Variants in IKZF3 observed in about 807,000 individuals in gnomAD.
The protein encoded by IKZF3 is IKAROS family zinc finger 3.
IKZF3 carries 10 observed loss-of-function variants against 49.0 expected under a neutral mutation model. The ratio of observed to expected loss-of-function variants is 0.20; its 90% CI spans 0.13 to 0.35. IKZF3 has a LOEUF of 0.35. IKZF3 is among the 10% of genes least tolerant of loss of function. The pLI, the probability that IKZF3 is intolerant of heterozygous loss-of-function variation, is 1.00. For missense variants in IKZF3, 498 were observed against 664.8 expected (o/e 0.75, Z 2.76); for synonymous variants, 209 against 228.2 (o/e 0.92, Z 0.76).
At chr17:39,773,387 G>A (rs974327265) in intron 7 of IKZF3, among the ~76,000 whole-genome samples, 1 of 152,160 alleles carries the variant, frequency 6.6e-6, no homozygotes, top group African/African-American at 2.4e-5. Flanking sequence ...TCAGGCCTTT[G>A]GGAAGGGGTT....
chr17:39,796,256 C>T (rs75148376), intron 3 of IKZF3, among the ~76,000 whole-genome samples: 3,639 of 152,216 alleles, frequency 0.024, 62 homozygotes, highest in Non-Finnish European at 0.037. Context: ...TTAGAAAATA[C>T]TAATGAACAT....
At chr17:39,787,635 C>T (rs548309761) in intron 6 of IKZF3, among the ~76,000 whole-genome samples, 1 of 152,336 alleles carries the variant, frequency 6.6e-6, no homozygotes, top group South Asian at 2.1e-4. Context: ...CTACCACTAA[C>T]AAGACATAAT....
At chr17:39,850,289 TATACAATATATAGCATATTATACATGTAC>T (rs2062773943) in intron 1 of IKZF3, among the ~76,000 whole-genome samples, 3 of 140,498 alleles carry the variant, frequency 2.1e-5, no homozygotes, top group African/African-American at 7.9e-5. Flanking sequence ...ATATATAGTA[TATACAATATATAGCATATTATACATGTAC>T]ATATAATATA....
chr17:39,828,479 A>T (rs1164232190), intron 3 of IKZF3, among the ~76,000 whole-genome samples: 1 of 152,210 alleles, frequency 6.6e-6, no homozygotes, highest in Non-Finnish European at 1.5e-5. Flanking sequence ...GAGTAAAGGA[A>T]TGAATAAATG....
Position 39,792,936 on chromosome 17 carries a change from G to T in IKZF3, c.164-3C>A, listed in dbSNP as rs1169151794. On this transcript the variant is annotated splice_polypyrimidine_tract_variant and splice_region_variant and intron_variant, in intron 3 of 7. Coordinates refer to ENST00000346872, the MANE Select transcript of IKZF3 (RefSeq NM_012481.5). ...ATCTTTCACTTTCATTGAATCATCT[G>T]CAGGGAAGAAAATGCAAGAAATGAA... 3 of 1,611,734 alleles carry T rather than the reference G, an allele frequency of 1.9e-6. No homozygotes were observed. Among genetic ancestry groups the T allele is most frequent in the Non-Finnish European group, 2.5e-6 (3 of 1,178,994 alleles).
In IKZF3 at chr17:39,762,381, A is replaced by C. The variant is rs973758664; in HGVS notation, c.*3409T>G. 2.0e-5 allele frequency: 3 copies of C among 152,210 alleles called. No homozygotes were observed. The highest frequency in any genetic ancestry group is 4.4e-5 in the Non-Finnish European group (3 of 68,044). 9.4% of individuals were successfully genotyped at this position (152,210 alleles called of 1,614,324 possible). A position where few individuals can be genotyped will look rare whatever the true frequency, so the allele number is the denominator to read the frequency against. On this transcript the variant is annotated 3_prime_UTR_variant, in exon 8 of 8. Transcript: ENST00000346872. ...TAAGGATGCAGAGTTTCCACACATAAATTTTTTCTGGAATTGATGGGCCCC... is the reference window on the plus strand; with the variant it reads ...TAAGGATGCAGAGTTTCCACACATACATTTTTTCTGGAATTGATGGGCCCC...
chr17:39,831,335 T>C (rs758527527), intron 2 of IKZF3, among the ~76,000 whole-genome samples: 20 of 151,604 alleles, frequency 1.3e-4, no homozygotes, highest in Non-Finnish European at 1.0e-4. Flanking sequence ...GATCACACCA[T>C]CGTACTTCAG....
intron 1 of IKZF3, among the ~76,000 whole-genome samples, chr17:39,834,377 T>C (rs996110519): frequency 6.6e-6 from 1 of 152,248 alleles, no homozygotes; most frequent in African/African-American, 2.4e-5. Flanking sequence ...TCTTTTCTAA[T>C]TGTAAACATT....
At chr17:39,833,843 C>T (rs1377112994) in intron 1 of IKZF3, among the ~76,000 whole-genome samples, 1 of 152,126 alleles carries the variant, frequency 6.6e-6, no homozygotes, top group African/African-American at 2.4e-5. Context: ...CTATTATTAA[C>T]ATCTTATATT....
chr17:39,832,257 AATTCCTCTTTCAGAGCAAG>A (rs1478507705), intron 1 of IKZF3, 106 bp from the exon 2 acceptor site: 1 of 726,340 alleles, frequency 1.4e-6, no homozygotes, highest in African/African-American at 1.8e-5. Flanking sequence ...TTAACAGCAG[AATTCCTCTTTCAGAGCAAG>A]ATTACTCTTT....
At position 39,792,755 on chromosome 17, in the gene IKZF3, G is replaced by T. The variant is rs1392317279; in HGVS notation, c.342C>A (p.Thr114=). The T allele has an allele frequency of 6.2e-7, 1 of 1,614,044 alleles. No individual in the cohort carries two copies. The highest frequency in any genetic ancestry group is 2.2e-5 in the East Asian group (1 of 44,876). The change falls in exon 4 of 8, where the codon ACC becomes ACA. Residue 114 remains threonine (T), a synonymous_variant. Coordinates refer to ENST00000346872, the MANE Select transcript of IKZF3 (RefSeq NM_012481.5). Reference sequence around the variant, plus strand: ...ACACATCGCAGTTCATCTTTCCACTGGTTGGCCTGCTACTATCGAATGAGA... The same window carrying T: ...ACACATCGCAGTTCATCTTTCCACTTGTTGGCCTGCTACTATCGAATGAGA... The part of the protein sequence containing the change: ...HVVSFDSSRP[T]SGKMNCDVCG...
intron 3 of IKZF3, among the ~76,000 whole-genome samples, chr17:39,795,985 T>C (rs1487444058): frequency 2.0e-5 from 3 of 151,800 alleles, no homozygotes. Flanking sequence ...GAGGTTGCAG[T>C]GACCCGAGAT....
At chr17:39,838,344 C>T (rs1398133359) in intron 1 of IKZF3, among the ~76,000 whole-genome samples, 2 of 152,152 alleles carry the variant, frequency 1.3e-5, no homozygotes, top group East Asian at 3.8e-4. Flanking sequence ...GGAATAATTT[C>T]TATTTTCATA....
intron 7 of IKZF3, among the ~76,000 whole-genome samples, chr17:39,775,665 CTGTAA>C (rs1357282042): frequency 6.6e-6 from 1 of 152,210 alleles, no homozygotes; most frequent in Non-Finnish European, 1.5e-5. Context: ...TGGCTCACGC[CTGTAA>C]TCCCAGCACT....
intron 1 of IKZF3, chr17:39,835,211 C>A (rs2062236887): frequency 7.7e-6 from 4 of 520,476 alleles, no homozygotes; most frequent in Admixed American, 6.0e-5. Context: ...CAGACTTCAG[C>A]TGGCTCTCCT....
intron 3 of IKZF3, among the ~76,000 whole-genome samples, chr17:39,811,657 T>C (rs962614539): frequency 5.9e-5 from 9 of 152,352 alleles, no homozygotes; most frequent in South Asian, 2.1e-4. Context: ...AATGCCAAAA[T>C]GTACTCACAT....
At chr17:39,842,755 A>G (rs1405462212) in intron 1 of IKZF3, among the ~76,000 whole-genome samples, 1 of 152,204 alleles carries the variant, frequency 6.6e-6, no homozygotes, top group African/African-American at 2.4e-5. Flanking sequence ...GGATATTTAT[A>G]TAGTTTCAAA....
chr17:39,769,947 GA>G (rs2060395208), intron 7 of IKZF3, among the ~76,000 whole-genome samples: 1 of 152,158 alleles, frequency 6.6e-6, no homozygotes, highest in African/African-American at 2.4e-5. Context: ...TGGATGAGTG[GA>G]AATATGTGAC....
chr17:39,832,491 G>GTA lies in IKZF3; in HGVS notation c.8-342_8-341dup, dbSNP rs35439365. Among the ~76,000 whole-genome samples, 667 of 147,630 alleles carry GTA rather than the reference G, an allele frequency of 4.5e-3. 3 individuals are homozygous for GTA. The highest frequency in any genetic ancestry group is 9.1e-3 in the African/African-American group (367 of 40,298). ...ACATAGAAAAAAAGAGTTCAAAGTGGTATATATATATATATGTACATATAT... is the reference window on the plus strand; with the variant it reads ...ACATAGAAAAAAAGAGTTCAAAGTGGTATATATATATATATATGTACATATAT... On this transcript the variant is annotated intron_variant, in intron 1 of 7. Transcript: ENST00000346872.
Sources: allele counts gnomAD v4.1 joint callset (sites outside exome capture counted in the v4.1 genomes callset), GRCh38; gene constraint gnomAD v4.1.1; transcripts MANE v1.5; gene names NCBI Gene and HGNC (gene_info 2026-07-23, HGNC 2026-07-21).